The following KDM4B variants were observed in gnomAD, a reference collection of about 807,000 sequenced individuals.
KDM4B encodes lysine-specific demethylase 4B.
KDM4B carries 32 observed loss-of-function variants against 125.2 expected under a neutral mutation model. That is an observed-to-expected ratio of 0.26 (90% confidence interval 0.19 to 0.34). The LOEUF is 0.34. Ranked by LOEUF, KDM4B falls within the 10% of genes least tolerant of loss-of-function variation. KDM4B has a pLI of 1.00. For synonymous variants in KDM4B, 721 were observed against 677.9 expected, an observed-to-expected ratio of 1.06 and a Z score of -0.99; for missense variants, 1,190 against 1,577.7, an observed-to-expected ratio of 0.75 and a Z score of 4.16.
chr19:5,054,727 G>C (rs577200948), intron 6 of KDM4B, among the ~76,000 whole-genome samples: 15 of 152,366 alleles, frequency 9.8e-5, no homozygotes, highest in African/African-American at 3.4e-4. Flanking sequence ...CGTGGCGTGT[G>C]GCGCTGGTGC....
rs1403081531 is a variant in KDM4B at position 5,081,019 on chromosome 19, T to G, written c.781-1348T>G. On this transcript the variant is annotated intron_variant, in intron 8 of 22. Coordinates refer to ENST00000159111, the MANE Select transcript of KDM4B (RefSeq NM_015015.3). This position sits in a 1 kb window ranked among gnomAD's most constrained non-coding sequence, Gnocchi z 4.2. ...GAGGTCTGTGGTGACTGAGAGCGCG[T>G]GCGTGGTTCGGTGGGGATGGCCTGG... 1 of 152,060 alleles carries G rather than the reference T, an allele frequency of 6.6e-6. No homozygotes were observed. Among genetic ancestry groups the G allele is most frequent in the Non-Finnish European group, 1.5e-5 (1 of 68,026 alleles). The allele number at this position is 152,060 out of a possible 1,614,324, so 9.4% of individuals were successfully genotyped here. A position where few individuals can be genotyped will look rare whatever the true frequency, so the allele number is the denominator to read the frequency against.
rs763962567 is a variant in KDM4B, at chr19:5,144,370, C to T, written c.2859C>T (p.Asp953=). 12 of 1,352,694 alleles carry T rather than the reference C, an allele frequency of 8.9e-6. No homozygotes were observed. The highest frequency in any genetic ancestry group is 1.9e-4 in the Middle Eastern group (1 of 5,174). The allele number at this position is 1,352,694 out of a possible 1,614,324, so 83.8% of individuals were successfully genotyped here. ...AGACCTGCTACGAAGTGAACTTCGA[C>T]GATGGCTCCTACAGCGACAACCTGT... ...ASQTCYEVNF[D]DGSYSDNLYP... is the part of the protein sequence containing the mutation. The change falls in exon 20 of 23, where the codon GAC becomes GAT. Residue 953 remains aspartate, a synonymous_variant. Coordinates refer to ENST00000159111, the MANE Select transcript of KDM4B (RefSeq NM_015015.3).
chr19:5,041,675 G>A (rs1172198757), intron 5 of KDM4B, among the ~76,000 whole-genome samples: 2 of 152,348 alleles, frequency 1.3e-5, no homozygotes, highest in East Asian at 3.9e-4. Context: ...TGGGGTGAGG[G>A]GATCTCCCAT....
intron 7 of KDM4B, 148 bp from the exon 8 acceptor site, chr19:5,077,219 G>T: frequency 1.4e-6 from 1 of 691,580 alleles, no homozygotes; most frequent in Non-Finnish European, 2.5e-6. Flanking sequence ...GGGGCCCTGA[G>T]AACCAAGGGC....
At chr19:5,106,891 A>G (rs2039045456) in intron 9 of KDM4B, among the ~76,000 whole-genome samples, 1 of 152,160 alleles carries the variant, frequency 6.6e-6, no homozygotes, top group South Asian at 2.1e-4. Flanking sequence ...GGGGGCAGAG[A>G]GCCTGCAGTT....
chr19:5,054,340 C>G (rs2037326778), intron 6 of KDM4B, among the ~76,000 whole-genome samples: 1 of 152,196 alleles, frequency 6.6e-6, no homozygotes, highest in Admixed American at 6.5e-5. Flanking sequence ...CTCAGCCTCC[C>G]AAAGTATTGG....
At position 5,143,599 on chromosome 19, in the gene KDM4B, C is replaced by T. The variant is rs551975339; in HGVS notation, c.2551-368C>T. Among the ~76,000 whole-genome samples, 8 of 152,264 alleles carry T rather than the reference C, an allele frequency of 5.3e-5. No individual in the cohort carries two copies. In the East Asian group the frequency reaches 1.4e-3, roughly 26 times the overall value. On this transcript the variant is annotated intron_variant, in intron 18 of 22. Transcript: ENST00000159111. ...TCCCCAGGGCACATCTCTGTCGCCA[C>T]GTGGTTCCTCTGGCTGAGCGACACC...
At chr19:5,051,429 T>C (rs2037220219) in intron 6 of KDM4B, among the ~76,000 whole-genome samples, 4 of 152,222 alleles carry the variant, frequency 2.6e-5, no homozygotes, top group Admixed American at 2.6e-4. Context: ...TTGGGGTGTT[T>C]AGGGGACTGT....
intron 1 of KDM4B, among the ~76,000 whole-genome samples, chr19:5,010,896 C>A (rs2035707652): frequency 6.6e-6 from 1 of 152,188 alleles, no homozygotes; most frequent in African/African-American, 2.4e-5. Flanking sequence ...GACCCACCTG[C>A]CTCGGCCTCC....
intron 9 of KDM4B, among the ~76,000 whole-genome samples, chr19:5,089,437 T>G (rs865958295): frequency 6.6e-6 from 1 of 152,286 alleles, no homozygotes; most frequent in African/African-American, 2.4e-5. Flanking sequence ...CAGTGGAATG[T>G]TATGCAGCTG....
chr19:4,991,680 C>T (rs2035035910), intron 1 of KDM4B, among the ~76,000 whole-genome samples: 1 of 152,082 alleles, frequency 6.6e-6, no homozygotes. Context: ...CATTCTGTTA[C>T]CTGCACAGAT....
At chr19:5,147,993 G>T (rs1331508722) in intron 21 of KDM4B, among the ~76,000 whole-genome samples, 1 of 152,146 alleles carries the variant, frequency 6.6e-6, no homozygotes, top group African/African-American at 2.4e-5. Flanking sequence ...GCTGGGGTGG[G>T]CCCAGGTGAC....
At position 5,119,777 on chromosome 19, in the gene KDM4B, C is replaced by A. The variant is rs995286092; in HGVS notation, c.1240C>A (p.Pro414Thr). ...AGGSVKEEAG[P>T]EVDPEEEEEE... is the part of the protein sequence containing the mutation. ...GGGCAGCGTGAAGGAGGAGGCTGGG[C>A]CGGAGGTTGACCCCGAGGAGGAGGA... The change falls in exon 11 of 23, where the codon CCG (proline) becomes ACG (threonine). Residue 414 changes from proline (P) to threonine (T), a missense_variant. Pro to Thr is a conservative substitution (Grantham distance 38). Around this residue, in one of 7 missense-constraint regions of KDM4B, gnomAD observed 428 missense variants for 405.1 expected, o/e 1.06. Coordinates refer to ENST00000159111, the MANE Select transcript of KDM4B (RefSeq NM_015015.3). 7 of 1,545,060 alleles carry A rather than the reference C, an allele frequency of 4.5e-6. No individual in the cohort carries two copies. The highest frequency in any genetic ancestry group is 6.1e-6 in the Non-Finnish European group (7 of 1,144,438).
chr19:5,151,295 T>C (rs1285695990), intron 22 of KDM4B, 40 bp from the exon 23 acceptor site: 2 of 1,428,602 alleles, frequency 1.4e-6, no homozygotes, highest in South Asian at 2.9e-5. Context: ...GCACAGAGTG[T>C]CTCCACCGTG....
At chr19:5,015,200 C>T (rs769736081) in intron 1 of KDM4B, among the ~76,000 whole-genome samples, 4 of 152,162 alleles carry the variant, frequency 2.6e-5, no homozygotes, top group Middle Eastern at 3.4e-3. Flanking sequence ...GGGCACCCAC[C>T]GAGCCCCAGG....
chr19:5,056,865 A>C (rs1481550502), intron 6 of KDM4B, among the ~76,000 whole-genome samples: 1 of 109,250 alleles, frequency 9.2e-6, no homozygotes. Context: ...TGGGGCGGGG[A>C]GTCCTGGGGC....
At chr19:5,135,836 C>A (rs1254549765) in intron 15 of KDM4B, among the ~76,000 whole-genome samples, 1 of 152,232 alleles carries the variant, frequency 6.6e-6, no homozygotes, top group Non-Finnish European at 1.5e-5. Flanking sequence ...CAGGACAGGG[C>A]CTCCACCGCC....
intron 11 of KDM4B, among the ~76,000 whole-genome samples, chr19:5,122,446 A>G (rs1304514316): frequency 6.6e-6 from 1 of 152,234 alleles, no homozygotes; most frequent in Non-Finnish European, 1.5e-5. Flanking sequence ...CTTTGGGGTC[A>G]TTCCTCTGCC....
At chr19:5,046,188 A>C (rs974854215) in intron 5 of KDM4B, among the ~76,000 whole-genome samples, 1 of 152,262 alleles carries the variant, frequency 6.6e-6, no homozygotes, top group Non-Finnish European at 1.5e-5. Context: ...GTGCCAGCCC[A>C]GGCCGACCTG....
Sources: allele counts gnomAD v4.1 joint callset (sites outside exome capture counted in the v4.1 genomes callset), GRCh38; gene constraint gnomAD v4.1.1; regional missense constraint gnomAD v4.1.1; non-coding constraint Gnocchi (gnomAD v3.1); transcripts MANE v1.5; gene names NCBI Gene and HGNC (gene_info 2026-07-23, HGNC 2026-07-21).